Variants in HMGB1 observed in about 807,000 individuals in gnomAD.
HMGB1 encodes high mobility group protein B1.
For missense variants in HMGB1, 79 were observed against 253.5 expected (o/e 0.31, Z 4.67); for synonymous variants, 81 against 84.0 (o/e 0.96, Z 0.19).
At position 30,582,472 on chromosome 13, in the gene HMGB1, A is replaced by G. The variant is rs1023510311; in HGVS notation, c.-15+34199T>C. The stretch of plus-strand genomic sequence containing the variant: ...GCTGACACGGTGAAACCCCGTCTCC[A>G]CTAAAAATACAAAAAATTAACCGGG... On this transcript the variant is annotated intron_variant, in intron 1 of 4. Coordinates refer to the HMGB1 transcript ENST00000405805. Among the ~76,000 whole-genome samples, 13 of 151,940 alleles carry G rather than the reference A, an allele frequency of 8.6e-5. 1 individual carries two copies. The highest frequency in any genetic ancestry group is 2.7e-4 in the African/African-American group (11 of 41,312).
At chr13:30,614,899 A>C (rs1950546168) in intron 1 of HMGB1, among the ~76,000 whole-genome samples, 1 of 141,738 alleles carries the variant, frequency 7.1e-6, no homozygotes. Flanking sequence ...TTTAGTAGAG[A>C]CGGGGTTTCA....
intron 1 of HMGB1, among the ~76,000 whole-genome samples, chr13:30,538,510 C>CTTTCTTTCTTTATTTCTTTCTTT (rs1164550479): frequency 1.8e-4 from 15 of 82,268 alleles, no homozygotes; most frequent in African/African-American, 1.3e-3. Flanking sequence ...TTCTTTCTTT[C>CTTTCTTTCTTTATTTCTTTCTTT]CTTTCTTTCT....
chr13:30,588,825 G>A (rs760467931), intron 1 of HMGB1, among the ~76,000 whole-genome samples: 17 of 151,952 alleles, frequency 1.1e-4, no homozygotes, highest in Non-Finnish European at 1.5e-4. Flanking sequence ...GCTGAGGCAG[G>A]AGACTCGCTT....
chr13:30,478,987 G>C (rs566105908), intron 1 of HMGB1, among the ~76,000 whole-genome samples: 74 of 151,418 alleles, frequency 4.9e-4, no homozygotes, highest in Non-Finnish European at 1.0e-3. Context: ...TCGTGCCTCA[G>C]CCTCCCAAAT....
At chr13:30,607,587 T>G (rs1950472925) in intron 1 of HMGB1, among the ~76,000 whole-genome samples, 1 of 151,972 alleles carries the variant, frequency 6.6e-6, no homozygotes, top group African/African-American at 2.4e-5. Context: ...GGTAGTTCTT[T>G]ACAGCAGTGT....
At chr13:30,552,917 C>T (rs1869493793) in intron 1 of HMGB1, among the ~76,000 whole-genome samples, 1 of 152,160 alleles carries the variant, frequency 6.6e-6, no homozygotes, top group Non-Finnish European at 1.5e-5. Context: ...TGGCCTCTGC[C>T]CCTAGTTTCT....
chr13:30,465,568 G>A (rs1324684863), intron 1 of HMGB1, among the ~76,000 whole-genome samples: 2 of 151,242 alleles, frequency 1.3e-5, no homozygotes. Flanking sequence ...GCGGGGCGCG[G>A]GGCTCCCGGC....
chr13:30,517,832 C>A (rs1404409104), intron 1 of HMGB1, among the ~76,000 whole-genome samples: 1 of 152,132 alleles, frequency 6.6e-6, no homozygotes, highest in Non-Finnish European at 1.5e-5. Context: ...AACAAAAAAA[C>A]CCAGAATGCT....
intron 1 of HMGB1, among the ~76,000 whole-genome samples, chr13:30,586,470 G>GTTTTTTTTGT (rs1871152179): frequency 8.1e-6 from 1 of 123,248 alleles, no homozygotes. Context: ...GAAATCACTG[G>GTTTTTTTTGT]TTTTTTTTGT....
At chr13:30,480,294 T>C (rs1198931160) in intron 1 of HMGB1, among the ~76,000 whole-genome samples, 1 of 152,272 alleles carries the variant, frequency 6.6e-6, no homozygotes, top group African/African-American at 2.4e-5. Flanking sequence ...CATTTATTTA[T>C]ATATTTGTTC....
intron 1 of HMGB1, chr13:30,554,831 G>C (rs1316855010): frequency 1.3e-6 from 1 of 753,880 alleles, no homozygotes; most frequent in East Asian, 2.5e-5. Context: ...TTCATGACTT[G>C]AGAATATTCT....
intron 1 of HMGB1, among the ~76,000 whole-genome samples, chr13:30,560,226 GA>G (rs1869888688): frequency 6.6e-6 from 1 of 152,150 alleles, no homozygotes; most frequent in African/African-American, 2.4e-5. Context: ...GAAGCACCAG[GA>G]AAAAGTAGGG....
chr13:30,511,929 C>A (rs1163675074), intron 1 of HMGB1, among the ~76,000 whole-genome samples: 1 of 133,978 alleles, frequency 7.5e-6, no homozygotes, highest in African/African-American at 2.7e-5. Context: ...GGTCTAACCT[C>A]TCTGATTCTT....
At chr13:30,589,369 A>C (rs1593330450) in intron 1 of HMGB1, among the ~76,000 whole-genome samples, 1 of 152,288 alleles carries the variant, frequency 6.6e-6, no homozygotes, top group Middle Eastern at 3.4e-3. Flanking sequence ...CTAGGGTCAC[A>C]AAGATTGTAA....
At chr13:30,534,982 C>T (rs1888580987) in intron 1 of HMGB1, among the ~76,000 whole-genome samples, 1 of 152,226 alleles carries the variant, frequency 6.6e-6, no homozygotes, top group South Asian at 2.1e-4. Context: ...TTAATGTATA[C>T]AGCACTGGAG....
At chr13:30,465,708 C>T in intron 1 of HMGB1, 88 bp downstream of exon 1, 1 of 678,168 alleles carries the variant, frequency 1.5e-6, no homozygotes, top group Non-Finnish European at 1.8e-6. Flanking sequence ...CCTGACCCGC[C>T]GGCTCCCGGC....
At chr13:30,531,509 C>CGTGTGTGTGTGTGTGTGTGT (rs376387192) in intron 1 of HMGB1, among the ~76,000 whole-genome samples, 12 of 135,590 alleles carry the variant, frequency 8.9e-5, no homozygotes, top group African/African-American at 2.8e-4. Flanking sequence ...GTAACATATA[C>CGTGTGTGTGTGTGTGTGTGT]GTGTGTGTGT....
At position 30,580,711 on chromosome 13, in the gene HMGB1, A is replaced by G. The variant is rs1870862005; in HGVS notation, c.-15+35960T>C. Among the ~76,000 whole-genome samples the G allele has an allele frequency of 2.0e-5, 3 of 152,226 alleles. No individual in the cohort carries two copies. In the South Asian group the frequency reaches 6.2e-4, roughly 31 times the overall value. On this transcript the variant is annotated intron_variant, in intron 1 of 4. Coordinates refer to the HMGB1 transcript ENST00000405805. ...GACAATGCATAGCACCATGCCTTGC[A>G]CGTAACAGACATTTAATAACTATTA...
intron 1 of HMGB1, among the ~76,000 whole-genome samples, chr13:30,547,158 C>T (rs1055048019): frequency 8.5e-5 from 13 of 152,204 alleles, no homozygotes; most frequent in Non-Finnish European, 1.9e-4. Flanking sequence ...CAGGTTTTGT[C>T]CAAGGTTTGC....
Sources: allele counts gnomAD v4.1 joint callset (sites outside exome capture counted in the v4.1 genomes callset), GRCh38; gene constraint gnomAD v4.1.1; transcripts MANE v1.5; gene names NCBI Gene and HGNC (gene_info 2026-07-23, HGNC 2026-07-21).